The following CFAP100 variants were observed in gnomAD, a reference collection of about 807,000 sequenced individuals.
The protein encoded by CFAP100 is cilia- and flagella-associated protein 100.
A neutral mutation model predicts 81.5 loss-of-function variants in CFAP100; 70 were observed. The observed-to-expected ratio is 0.86, with a 90% CI of 0.71 to 1.05. The LOEUF is 1.05. Ranked by LOEUF, CFAP100 falls within the 50% of genes least tolerant of loss-of-function variation. The pLI, the probability that CFAP100 is intolerant of heterozygous loss-of-function variation, is 0.00. For synonymous variants in CFAP100, 341 were observed against 314.8 expected, an observed-to-expected ratio of 1.08 and a Z score of -0.88; for missense variants, 811 against 776.5, an observed-to-expected ratio of 1.04 and a Z score of -0.53.
intron 14 of CFAP100, chr3:126,433,962 G>T (rs1357363848): frequency 3.7e-6 from 2 of 546,846 alleles, no homozygotes; most frequent in Non-Finnish European, 6.5e-6. Context: ...TGGAACCAGG[G>T]ATCTGGCTGA....
intron 4 of CFAP100, among the ~76,000 whole-genome samples, chr3:126,416,005 C>T (rs2083230482): frequency 6.6e-6 from 1 of 152,218 alleles, no homozygotes; most frequent in Non-Finnish European, 1.5e-5. Context: ...ACGGCTCTCA[C>T]TTAAATGTGG....
chr3:126,398,603 T>C (rs368961111), intron 2 of CFAP100, among the ~76,000 whole-genome samples: 1 of 152,336 alleles, frequency 6.6e-6, no homozygotes, highest in South Asian at 2.1e-4. Flanking sequence ...TGGCCAGGCC[T>C]TCCCCCTGCC....
intron 14 of CFAP100, chr3:126,433,796 T>C: frequency 4.6e-6 from 1 of 215,370 alleles, no homozygotes; most frequent in Non-Finnish European, 9.4e-6. Context: ...TGCTCCTCTC[T>C]CCTCATATAG....
chr3:126,417,314 C>T (rs1014335424), intron 5 of CFAP100, among the ~76,000 whole-genome samples: 1 of 152,106 alleles, frequency 6.6e-6, no homozygotes, highest in African/African-American at 2.4e-5. Context: ...TGTGTGTGAG[C>T]GGTGGAAATC....
intron 4 of CFAP100, among the ~76,000 whole-genome samples, chr3:126,415,299 AC>A: frequency 1.4e-5 from 1 of 72,580 alleles, no homozygotes; most frequent in Admixed American, 1.4e-4. Flanking sequence ...ACCCTCCCCC[AC>A]CCAACAGGGT....
intron 5 of CFAP100, 45 bp from the exon 6 acceptor site, chr3:126,418,413 A>G: frequency 1.9e-6 from 3 of 1,593,226 alleles, no homozygotes; most frequent in Non-Finnish European, 2.6e-6. Context: ...GCCCCTCCTC[A>G]GCCTGGGCTT....
chr3:126,432,630 TCA>T (rs947542219), intron 13 of CFAP100, among the ~76,000 whole-genome samples: 16 of 152,200 alleles, frequency 1.1e-4, no homozygotes, highest in African/African-American at 3.6e-4. Flanking sequence ...TATGAAGTGT[TCA>T]GGGTAGACAC....
chr3:126,421,387 T>C, intron 11 of CFAP100, among the ~76,000 whole-genome samples: 1 of 152,280 alleles, frequency 6.6e-6, no homozygotes, highest in East Asian at 1.9e-4. Context: ...TTTAATTTTA[T>C]AATTGGTGAA....
At chr3:126,418,853 C>T (rs1188924881) in intron 7 of CFAP100, 79 bp downstream of exon 7, 25 of 1,457,822 alleles carry the variant, frequency 1.7e-5, no homozygotes, top group Non-Finnish European at 2.3e-5. Context: ...CCCACTTATC[C>T]AGCCTCTGCC....
intron 15 of CFAP100, among the ~76,000 whole-genome samples, chr3:126,435,255 G>C (rs1335140762): frequency 6.6e-6 from 1 of 152,126 alleles, no homozygotes; most frequent in Non-Finnish European, 1.5e-5. Context: ...TGTAGATTCA[G>C]AGAAATGTGC....
At chr3:126,419,001 T>G (rs1310631220) in intron 7 of CFAP100, 75 bp from the exon 8 acceptor site, 4 of 1,011,294 alleles carry the variant, frequency 4.0e-6, no homozygotes, top group Admixed American at 2.5e-5. Context: ...CTGTGGGTGG[T>G]GTGCTCACCC....
intron 3 of CFAP100, among the ~76,000 whole-genome samples, chr3:126,407,578 GC>G (rs10714788): frequency 0.09 from 13,715 of 152,182 alleles, 717 homozygotes; most frequent in African/African-American, 0.15. Context: ...CACAATTAGG[GC>G]TTTCATGCTC....
chr3:126,408,986 A>G (rs2083113561), intron 3 of CFAP100, among the ~76,000 whole-genome samples: 1 of 152,092 alleles, frequency 6.6e-6, no homozygotes, highest in South Asian at 2.1e-4. Flanking sequence ...ACAGGGTTGC[A>G]CCATATTGCT....
intron 4 of CFAP100, among the ~76,000 whole-genome samples, chr3:126,415,823 G>A (rs183663034): frequency 6.6e-6 from 1 of 152,248 alleles, no homozygotes; most frequent in Admixed American, 6.5e-5. Flanking sequence ...CCCAAGGGAG[G>A]GCTGGCTCGA....
chr3:126,431,463 G>GA (rs1933222986), intron 13 of CFAP100, among the ~76,000 whole-genome samples: 2 of 152,210 alleles, frequency 1.3e-5, no homozygotes, highest in African/African-American at 4.8e-5. Flanking sequence ...TGGCTTGGGG[G>GA]AGAGGTGACA....
intron 14 of CFAP100, chr3:126,433,714 G>C (rs1199605703): frequency 5.2e-6 from 1 of 191,320 alleles, no homozygotes; most frequent in Non-Finnish European, 1.1e-5. Context: ...CCATGAGCAA[G>C]ACAGCGCTCC....
At chr3:126,430,429 G>T (rs1424132737) in intron 13 of CFAP100, among the ~76,000 whole-genome samples, 1 of 152,058 alleles carries the variant, frequency 6.6e-6, no homozygotes, top group African/African-American at 2.4e-5. Flanking sequence ...ACACTGATTT[G>T]ATCTTATAAA....
intron 13 of CFAP100, among the ~76,000 whole-genome samples, chr3:126,427,825 C>G (rs1043767059): frequency 6.6e-6 from 1 of 152,312 alleles, no homozygotes; most frequent in Middle Eastern, 3.4e-3. Context: ...AAGCATGATG[C>G]TGGCAGCTGC....
Position 126,423,337 on chromosome 3 carries a change from C to CAT in CFAP100, c.1096_1097dup (p.Pro367SerfsTer39). 6.2e-7 allele frequency: 1 copy of CAT among 1,613,452 alleles called. No individual in the cohort carries two copies. The highest frequency in any genetic ancestry group is 8.5e-7 in the Non-Finnish European group (1 of 1,179,750). On this transcript the variant is annotated frameshift_variant, in exon 12 of 17. Coordinates refer to ENST00000352312, the MANE Select transcript of CFAP100 (RefSeq NM_182628.3). LOFTEE classifies it high-confidence loss of function. ...CATCTCTTCGCAGGTCGAACTCTCC[C>CAT]ATCCCCCCCACGCAGGAGGACACCG...
Sources: gnomAD v4.1 joint callset for allele counts (sites outside exome capture counted in the v4.1 genomes callset) on GRCh38, gnomAD v4.1.1 for gene constraint, MANE v1.5 for transcripts, NCBI Gene and HGNC (gene_info 2026-07-23, HGNC 2026-07-21) for gene names.